Variants in AP3B1 observed in about 807,000 individuals in gnomAD.
AP3B1 encodes the protein AP-3 complex subunit beta-1.
Under a neutral mutation model 132.5 loss-of-function variants are expected in AP3B1, and 61 were observed. The ratio of observed to expected loss-of-function variants is 0.46; its 90% CI spans 0.37 to 0.57. AP3B1 has a LOEUF of 0.57. AP3B1 is among the 20% of genes least tolerant of loss of function. AP3B1 has a pLI of 0.00. For missense variants in AP3B1, 1,120 were observed against 1,289.4 expected, an observed-to-expected ratio of 0.87 and a Z score of 2.01; for synonymous variants, 388 against 438.3, an observed-to-expected ratio of 0.89 and a Z score of 1.43.
intron 26 of AP3B1, among the ~76,000 whole-genome samples, chr5:78,004,422 A>C: frequency 6.6e-6 from 1 of 152,200 alleles, no homozygotes; most frequent in East Asian, 1.9e-4. Context: ...GACTTAATTA[A>C]AATATTAGCC....
intron 7 of AP3B1, among the ~76,000 whole-genome samples, chr5:78,184,171 A>G (rs1744498829): frequency 6.6e-6 from 1 of 151,778 alleles, no homozygotes; most frequent in African/African-American, 2.4e-5. Context: ...TCCATCTCAA[A>G]AAAAAAAAAA....
At chr5:78,237,312 A>G (rs1166234910) in intron 3 of AP3B1, among the ~76,000 whole-genome samples, 1 of 151,914 alleles carries the variant, frequency 6.6e-6, no homozygotes, top group Non-Finnish European at 1.5e-5. Flanking sequence ...CCTGGGCAAC[A>G]TGGAGACCTC....
At chr5:78,055,229 C>T (rs922482386) in intron 22 of AP3B1, among the ~76,000 whole-genome samples, 2 of 152,230 alleles carry the variant, frequency 1.3e-5, no homozygotes, top group Admixed American at 6.5e-5. Context: ...TTGAGCCTCA[C>T]TCCTGCACTG....
chr5:78,116,034 C>G, intron 18 of AP3B1, 92 bp downstream of exon 18: 1 of 922,264 alleles, frequency 1.1e-6, no homozygotes, highest in Non-Finnish European at 1.8e-6. Context: ...CTTAAAACTA[C>G]CTGCTGAATA....
intron 3 of AP3B1, among the ~76,000 whole-genome samples, chr5:78,231,316 G>A (rs1746642824): frequency 6.6e-6 from 1 of 151,916 alleles, no homozygotes; most frequent in Admixed American, 6.6e-5. Context: ...TGGGATTACA[G>A]GCACGCACCA....
At chr5:78,168,783 C>T (rs931536355) in intron 11 of AP3B1, among the ~76,000 whole-genome samples, 1 of 152,138 alleles carries the variant, frequency 6.6e-6, no homozygotes, top group African/African-American at 2.4e-5. Flanking sequence ...CAATAACTGT[C>T]TCAATGATGT....
chr5:78,126,303 G>C (rs188719671), intron 17 of AP3B1, among the ~76,000 whole-genome samples: 74 of 151,844 alleles, frequency 4.9e-4, no homozygotes, highest in African/African-American at 1.6e-3. Flanking sequence ...TCACGAGTTT[G>C]AGACCAGCCT....
intron 13 of AP3B1, among the ~76,000 whole-genome samples, chr5:78,157,565 C>T (rs1743201853): frequency 6.6e-6 from 1 of 152,098 alleles, no homozygotes; most frequent in African/African-American, 2.4e-5. Flanking sequence ...AGAACCTGAC[C>T]TTATGAAATG....
chr5:78,201,698 A>C (rs1745295839), intron 7 of AP3B1, among the ~76,000 whole-genome samples: 1 of 152,210 alleles, frequency 6.6e-6, no homozygotes, highest in Non-Finnish European at 1.5e-5. Flanking sequence ...GAGTGCTGGC[A>C]ACCTGGATTA....
chr5:78,186,502 A>C (rs889364451), intron 7 of AP3B1, among the ~76,000 whole-genome samples: 3 of 152,186 alleles, frequency 2.0e-5, no homozygotes, highest in African/African-American at 7.2e-5. Context: ...CCTGTGATGG[A>C]AATGTTCTCA....
intron 15 of AP3B1, among the ~76,000 whole-genome samples, chr5:78,132,801 T>C (rs977042969): frequency 6.6e-6 from 1 of 152,218 alleles, no homozygotes; most frequent in East Asian, 1.9e-4. Context: ...TGTCGACAAA[T>C]ATTTTATGCA....
chr5:78,200,868 A>G (rs888073736), intron 7 of AP3B1, among the ~76,000 whole-genome samples: 2 of 152,112 alleles, frequency 1.3e-5, no homozygotes, highest in African/African-American at 4.8e-5. Context: ...CCAACCCTAA[A>G]TTCTTATGTT....
intron 7 of AP3B1, among the ~76,000 whole-genome samples, chr5:78,208,986 A>C (rs1745623713): frequency 6.6e-6 from 1 of 152,144 alleles, no homozygotes; most frequent in South Asian, 2.1e-4. Context: ...GTAATAGAAG[A>C]ATGACAAATT....
intron 5 of AP3B1, among the ~76,000 whole-genome samples, chr5:78,226,726 G>A (rs774737290): frequency 6.6e-6 from 1 of 152,002 alleles, no homozygotes; most frequent in Non-Finnish European, 1.5e-5. Context: ...GTCTCAAAAA[G>A]CTTGAGGAAT....
chr5:78,266,594 C>T (rs1748332399), intron 2 of AP3B1, among the ~76,000 whole-genome samples: 2 of 152,120 alleles, frequency 1.3e-5, no homozygotes, highest in African/African-American at 2.4e-5. Context: ...TGTGTCATCG[C>T]CTTATTACAG....
intron 2 of AP3B1, among the ~76,000 whole-genome samples, chr5:78,264,171 T>C (rs769513943): frequency 5.3e-5 from 8 of 152,224 alleles, no homozygotes; most frequent in African/African-American, 9.6e-5. Flanking sequence ...AAGTGATGCA[T>C]GACTGTATTG....
At chr5:78,180,254 A>C (rs928341251) in intron 8 of AP3B1, among the ~76,000 whole-genome samples, 10 of 152,090 alleles carry the variant, frequency 6.6e-5, no homozygotes, top group African/African-American at 2.4e-4. Flanking sequence ...CAAAGCTGTA[A>C]GCTCTAAATT....
chr5:78,075,367 G>A (rs1450814151), intron 22 of AP3B1, among the ~76,000 whole-genome samples: 1 of 152,090 alleles, frequency 6.6e-6, no homozygotes, highest in Non-Finnish European at 1.5e-5. Context: ...CATGAATTAT[G>A]GTTTGTTTTT....
chr5:78,161,801 G>A (rs955638965), intron 13 of AP3B1, among the ~76,000 whole-genome samples: 7 of 151,700 alleles, frequency 4.6e-5, no homozygotes, highest in Non-Finnish European at 7.4e-5. Context: ...ATGTTATCTG[G>A]GAATAAATTT....
Sources: allele counts gnomAD v4.1 joint callset (sites outside exome capture counted in the v4.1 genomes callset), GRCh38; gene constraint gnomAD v4.1.1; transcripts MANE v1.5; gene names NCBI Gene and HGNC (gene_info 2026-07-23, HGNC 2026-07-21).